Variants in CUX2 observed in about 807,000 individuals in gnomAD.
CUX2 encodes homeobox protein cut-like 2.
A neutral mutation model predicts 144.8 loss-of-function variants in CUX2; 40 were observed. The ratio of observed to expected loss-of-function variants is 0.28; its 90% CI spans 0.21 to 0.36. The LOEUF (loss-of-function observed/expected upper bound fraction) is 0.36. CUX2 is among the 10% of genes least tolerant of loss of function. The pLI, the probability that CUX2 is intolerant of heterozygous loss-of-function variation, is 1.00. For missense variants in CUX2, 1,615 were observed against 1,994.0 expected (o/e 0.81, Z 3.62); for synonymous variants, 827 against 875.6 (o/e 0.94, Z 0.98).
intron 1 of CUX2, among the ~76,000 whole-genome samples, chr12:111,139,291 T>G (rs1261370617): frequency 1.3e-5 from 2 of 151,820 alleles, no homozygotes; most frequent in African/African-American, 4.8e-5. Context: ...CTGGCCCGAG[T>G]GGTCCACAAG....
At position 111,320,051 on chromosome 12, in the gene CUX2, A is replaced by G; in HGVS notation, c.2042A>G (p.Asn681Ser). 1.3e-6 allele frequency: 2 copies of G among 1,543,392 alleles called. No individual in the cohort carries two copies. Among genetic ancestry groups the G allele is most frequent in the South Asian group, 2.4e-5 (2 of 84,354 alleles). ...KTSVAPLSIA[N>S]GTTPASTSED... Reference sequence around the variant, plus strand: ...TCGGTGGCCCCGCTGAGCATCGCCAACGGCACGACCCCCGCCAGCACCTCG... The same window carrying G: ...TCGGTGGCCCCGCTGAGCATCGCCAGCGGCACGACCCCCGCCAGCACCTCG... The change falls in exon 17 of 22, where the codon AAC becomes AGC. Residue 681 changes from asparagine to serine, a missense_variant. Transcript: ENST00000261726. This position sits in a 1 kb window ranked among gnomAD's most constrained non-coding sequence, Gnocchi z 8.1.
Position 111,312,276 on chromosome 12 carries a change from C to A in CUX2, c.2002+75C>A. 1 of 1,320,084 alleles carries A rather than the reference C, an allele frequency of 7.6e-7. No individual in the cohort carries two copies. 81.8% of individuals were successfully genotyped at this position (1,320,084 alleles called of 1,614,324 possible). On this transcript the variant is annotated intron_variant, in intron 16 of 21. Coordinates refer to ENST00000261726, the MANE Select transcript of CUX2 (RefSeq NM_015267.4). This position sits in a 1 kb window ranked among gnomAD's most constrained non-coding sequence, Gnocchi z 4.3. The stretch of plus-strand genomic sequence containing the variant: ...GAACAGGAGATGAGGCTTCGTCTAC[C>A]TTTGTCCACCCCAGAGGGAATCCAA...
chr12:111,127,236 C>G (rs1238831505), intron 1 of CUX2, among the ~76,000 whole-genome samples: 4 of 152,218 alleles, frequency 2.6e-5, no homozygotes, highest in African/African-American at 9.7e-5. Context: ...ATTCCATATT[C>G]CCTTGGCCTT....
intron 1 of CUX2, among the ~76,000 whole-genome samples, chr12:111,058,257 T>C (rs1333969402): frequency 1.3e-5 from 2 of 152,220 alleles, no homozygotes; most frequent in African/African-American, 4.8e-5. Flanking sequence ...TTAATTGCCC[T>C]GTAGGGATTG....
At chr12:111,049,523 C>T (rs1405963699) in intron 1 of CUX2, among the ~76,000 whole-genome samples, 1 of 152,248 alleles carries the variant, frequency 6.6e-6, no homozygotes, top group Non-Finnish European at 1.5e-5. Context: ...AGGCTGTACA[C>T]AGAGCTGTGG....
At chr12:111,225,704 G>A (rs1277808370) in intron 3 of CUX2, among the ~76,000 whole-genome samples, 2 of 152,146 alleles carry the variant, frequency 1.3e-5, no homozygotes, top group African/African-American at 4.8e-5. Context: ...AGGTGGTTAG[G>A]GCCAGAAAGG....
At chr12:111,177,282 C>A (rs1433152266) in intron 1 of CUX2, among the ~76,000 whole-genome samples, 1 of 152,148 alleles carries the variant, frequency 6.6e-6, no homozygotes, top group Non-Finnish European at 1.5e-5. Flanking sequence ...CATGAAAAAT[C>A]AAATAAAATT....
rs1195056853 is a variant in CUX2 at position 111,310,303 on chromosome 12, C to A, written c.1521C>A (p.Phe507Leu). 1.3e-6 allele frequency: 2 copies of A among 1,492,418 alleles called. No individual in the cohort carries two copies. Among genetic ancestry groups the A allele is most frequent in the South Asian group, 1.4e-5 (1 of 73,706 alleles). 92.4% of individuals were successfully genotyped at this position (1,492,418 alleles called of 1,614,324 possible). Residue 507 changes from phenylalanine to leucine, a missense_variant, in exon 15 of 22, where the codon TTC (phenylalanine) becomes TTA (leucine). Transcript: ENST00000261726. The surrounding 1 kb of genome is among the most constrained non-coding windows in gnomAD (Gnocchi z 7.9). ...FKGEAGGLLVFPPAFYGAKPP... is the reference protein window; with the variant it reads ...FKGEAGGLLVLPPAFYGAKPP... Reference sequence around the variant, plus strand: ...GAGAGGCGGGCGGCCTGCTGGTGTTCCCCCCAGCCTTCTATGGCGCCAAGC... The same window carrying A: ...GAGAGGCGGGCGGCCTGCTGGTGTTACCCCCAGCCTTCTATGGCGCCAAGC...
At chr12:111,141,213 CAG>C (rs529075030) in intron 1 of CUX2, among the ~76,000 whole-genome samples, 189 of 150,572 alleles carry the variant, frequency 1.3e-3, no homozygotes, top group African/African-American at 4.4e-3. Flanking sequence ...ATTAGGGACT[CAG>C]GGGCTTAGGT....
chr12:111,040,787 A>G (rs901229499), intron 1 of CUX2, among the ~76,000 whole-genome samples: 1 of 152,134 alleles, frequency 6.6e-6, no homozygotes, highest in African/African-American at 2.4e-5. Context: ...GTGGACCATA[A>G]GCCTCCACTC....
chr12:111,272,656 G>T (rs926630734), intron 4 of CUX2, among the ~76,000 whole-genome samples: 1 of 152,136 alleles, frequency 6.6e-6, no homozygotes, highest in African/African-American at 2.4e-5. Context: ...TAGAGACAAG[G>T]TTTCACCATG....
rs141819920 is a variant in CUX2 at position 111,319,184 on chromosome 12, C to T, written c.2003-828C>T. On this transcript the variant is annotated intron_variant, in intron 16 of 21. Transcript: ENST00000261726. ...CAAAAATTAGCTGAGCATGGTGGCA[C>T]ATGCTTGTAGTCCCAGCACTTTGGG... 3.5e-3 allele frequency among the ~76,000 whole-genome samples: 533 copies of T among 152,070 alleles called. 5 individuals are homozygous for T. The highest frequency in any genetic ancestry group is 0.012 in the African/African-American group (510 of 41,492).
intron 1 of CUX2, among the ~76,000 whole-genome samples, chr12:111,205,022 C>T (rs1445775042): frequency 6.6e-6 from 1 of 152,184 alleles, no homozygotes; most frequent in Non-Finnish European, 1.5e-5. Flanking sequence ...ATAATTGGCC[C>T]AATACATCTT....
At chr12:111,126,877 G>A (rs904309456) in intron 1 of CUX2, among the ~76,000 whole-genome samples, 9 of 152,112 alleles carry the variant, frequency 5.9e-5, no homozygotes, top group East Asian at 1.9e-4. Flanking sequence ...ATAATCCCAC[G>A]TAATGTGATA....
chr12:111,283,284 T>A (rs1014908715), intron 4 of CUX2, among the ~76,000 whole-genome samples: 3 of 151,666 alleles, frequency 2.0e-5, no homozygotes, highest in African/African-American at 7.3e-5. Flanking sequence ...AGGATGTGGG[T>A]CTGCAGCAGA....
chr12:111,308,607 C>A, intron 14 of CUX2, 81 bp downstream of exon 14: 1 of 1,173,212 alleles, frequency 8.5e-7, no homozygotes, highest in Non-Finnish European at 1.2e-6. Context: ...GCCCAAGGAC[C>A]ACTGCCTTCC....
At position 111,263,792 on chromosome 12, in the gene CUX2, C is replaced by T. The variant is rs376298955; in HGVS notation, c.254C>T (p.Ala85Val). The change falls in exon 4 of 22, where the codon GCG (alanine) becomes GTG (valine). Residue 85 changes from alanine to valine, a missense_variant. Physicochemically the swap from Ala to Val is moderately conservative, Grantham distance 64 (BLOSUM62 0). Coordinates refer to ENST00000261726, the MANE Select transcript of CUX2 (RefSeq NM_015267.4). The surrounding 1 kb of genome is among the most constrained non-coding windows in gnomAD (Gnocchi z 4.0). ...GCCCTTAGTAAGAGAAGTCAGGAGG[C>T]GGAGGCTGCTTTTCTGAGTGTTTAC... is the stretch of plus-strand genomic sequence containing the variant. The part of the protein sequence containing the change: ...VVALSKRSQE[A>V]EAAFLSVYKQ... 3.7e-5 allele frequency: 59 copies of T among 1,613,998 alleles called. No individual in the cohort carries two copies. In the African/African-American group the frequency reaches 4.3e-4, roughly 12 times the overall value.
intron 4 of CUX2, among the ~76,000 whole-genome samples, chr12:111,267,008 C>A (rs1243605526): frequency 6.6e-6 from 1 of 151,958 alleles, no homozygotes; most frequent in African/African-American, 2.4e-5. Context: ...CCAGCCTAGG[C>A]AACATGGAGA....
chr12:111,172,762 G>A (rs546602146), intron 1 of CUX2, among the ~76,000 whole-genome samples: 9 of 152,308 alleles, frequency 5.9e-5, no homozygotes, highest in Admixed American at 6.5e-5. Flanking sequence ...AACGTTTCTC[G>A]ACTTTTCAGT....
Sources: allele counts gnomAD v4.1 joint callset (sites outside exome capture counted in the v4.1 genomes callset), GRCh38; gene constraint gnomAD v4.1.1; non-coding constraint Gnocchi (gnomAD v3.1); transcripts MANE v1.5; gene names NCBI Gene and HGNC (gene_info 2026-07-23, HGNC 2026-07-21).